The following PCDH11X variants were observed in gnomAD, a reference collection of about 807,000 sequenced individuals.
PCDH11X encodes the protein protocadherin 11 X-linked.
PCDH11X carries 18 observed loss-of-function variants against 53.3 expected under a neutral mutation model. The observed-to-expected ratio is 0.34, with a 90% CI of 0.23 to 0.50. The LOEUF (loss-of-function observed/expected upper bound fraction) is 0.50. Ranked by LOEUF, PCDH11X falls within the 20% of genes least tolerant of loss-of-function variation. The pLI, the probability that PCDH11X is intolerant of heterozygous loss-of-function variation, is 0.98. For missense variants in PCDH11X, 570 were observed against 1,032.4 expected (o/e 0.55, Z 6.14); for synonymous variants, 279 against 393.3 (o/e 0.71, Z 3.44).
chrX:92,527,295 A>G (rs2074472199), intron 10 of PCDH11X, among the ~76,000 whole-genome samples: 1 of 111,681 alleles, frequency 9.0e-6, no homozygotes. Flanking sequence ...AATTCAAAGG[A>G]TAAATGCTTG....
At chrX:91,867,832 G>A (rs1251216403) in intron 5 of PCDH11X, among the ~76,000 whole-genome samples, 1 of 111,273 alleles carries the variant, frequency 9.0e-6, no homozygotes, top group South Asian at 3.7e-4. Flanking sequence ...TTAAAATCCA[G>A]ATTTATAAAA....
intron 10 of PCDH11X, among the ~76,000 whole-genome samples, chrX:92,555,039 G>T (rs1237635364): frequency 9.0e-6 from 1 of 111,571 alleles, no homozygotes; most frequent in Non-Finnish European, 1.9e-5. Context: ...TGAGTAGCAG[G>T]GTTTCGCGAC....
At chrX:92,510,622 C>T (rs2074145418) in intron 10 of PCDH11X, among the ~76,000 whole-genome samples, 2 of 108,625 alleles carry the variant, frequency 1.8e-5, no homozygotes, top group African/African-American at 3.3e-5. Context: ...ACTTATTATC[C>T]GGTAGGGATT....
intron 1 of PCDH11X, among the ~76,000 whole-genome samples, chrX:91,782,615 C>G (rs1388262426): frequency 1.9e-5 from 2 of 107,057 alleles, no homozygotes; most frequent in Admixed American, 1.0e-4. Context: ...TAACCTTAGG[C>G]GAAAGCGCAG....
At chrX:92,148,062 CTTTCTTTCTTTCTTT>C (rs1569389052) in intron 6 of PCDH11X, among the ~76,000 whole-genome samples, 209 of 7,954 alleles carry the variant, frequency 0.026, 10 homozygotes, top group African/African-American at 0.059. Flanking sequence ...TCCTTCCTTT[CTTTCTTTCTTTCTTT>C]CTTTCTTTCT....
intron 4 of PCDH11X, among the ~76,000 whole-genome samples, chrX:91,815,337 A>T (rs1697022247): frequency 8.9e-6 from 1 of 112,021 alleles, no homozygotes; most frequent in South Asian, 3.7e-4. Flanking sequence ...TACATTTTGC[A>T]ATAGCTTTAA....
chrX:91,914,839 G>A (rs780895876), intron 6 of PCDH11X, among the ~76,000 whole-genome samples: 1 of 111,608 alleles, frequency 9.0e-6, no homozygotes, highest in South Asian at 3.8e-4. Context: ...ATAATTGAGG[G>A]TAACTTCCCT....
chrX:92,577,790 T>C (rs1923162393), intron 10 of PCDH11X, among the ~76,000 whole-genome samples: 1 of 110,021 alleles, frequency 9.1e-6, no homozygotes, highest in South Asian at 3.8e-4. Flanking sequence ...AATCTTCTTA[T>C]TTACCCAGGA....
At chrX:92,506,297 G>A (rs2074060699) in intron 10 of PCDH11X, among the ~76,000 whole-genome samples, 1 of 94,473 alleles carries the variant, frequency 1.1e-5, no homozygotes, top group African/African-American at 4.0e-5. Context: ...GTTAGAGTGA[G>A]CATCCTTGTC....
intron 9 of PCDH11X, chrX:92,460,857 A>T: frequency 9.9e-7 from 1 of 1,014,141 alleles, no homozygotes; most frequent in Admixed American, 2.2e-5. Flanking sequence ...GGACAGCAGG[A>T]ACTCCATGCA....
At chrX:92,306,851 A>G (rs2068843476) in intron 8 of PCDH11X, among the ~76,000 whole-genome samples, 2 of 111,243 alleles carry the variant, frequency 1.8e-5, no homozygotes, top group Admixed American at 1.9e-4. Context: ...TCTGGAGGCT[A>G]AGGCAGTAGA....
intron 7 of PCDH11X, among the ~76,000 whole-genome samples, chrX:92,258,371 T>C (rs1000943483): frequency 2.8e-5 from 3 of 105,786 alleles, no homozygotes; most frequent in Admixed American, 1.0e-4. Flanking sequence ...AAATTTCTTT[T>C]TTTTTTTTTT....
intron 6 of PCDH11X, among the ~76,000 whole-genome samples, chrX:91,967,288 C>T (rs1020363700): frequency 8.2e-5 from 9 of 110,143 alleles, no homozygotes; most frequent in African/African-American, 2.3e-4. Context: ...GGCCATGGAC[C>T]GGTACCTATC....
chrX:91,785,629 A>T (rs977717868), intron 1 of PCDH11X, among the ~76,000 whole-genome samples: 4 of 111,746 alleles, frequency 3.6e-5, no homozygotes, highest in African/African-American at 1.3e-4. Flanking sequence ...TTGGCTTTAT[A>T]TGACAACATT....
Position 92,282,815 on chromosome X carries a change from G to A in PCDH11X, c.3144+19672G>A, listed in dbSNP as rs905477226. ...GGGAAGCTATGGGCAGATTGCTATCGTTTTTCATTATTGGGAGACATTGAA... is the reference window on the plus strand; with the variant it reads ...GGGAAGCTATGGGCAGATTGCTATCATTTTTCATTATTGGGAGACATTGAA... On this transcript the variant is annotated intron_variant, in intron 8 of 10. Transcript: ENST00000682573. Among the ~76,000 whole-genome samples the A allele has an allele frequency of 7.2e-5, 8 of 111,051 alleles. No homozygotes were observed. The East Asian group carries it at 8.5e-4, about 12-fold the overall frequency.
At chrX:91,808,540 A>T (rs1254934915) in intron 1 of PCDH11X, among the ~76,000 whole-genome samples, 1 of 110,125 alleles carries the variant, frequency 9.1e-6, no homozygotes, top group Non-Finnish European at 1.9e-5. Flanking sequence ...CTGGTCATTG[A>T]TAAATCTATC....
intron 10 of PCDH11X, among the ~76,000 whole-genome samples, chrX:92,519,682 A>G (rs1376736161): frequency 1.9e-5 from 2 of 106,856 alleles, no homozygotes; most frequent in Admixed American, 2.1e-4. Context: ...ATTTTTAATA[A>G]TCTCAGTACA....
At chrX:92,102,677 G>A (rs1602926068) in intron 6 of PCDH11X, among the ~76,000 whole-genome samples, 4 of 111,423 alleles carry the variant, frequency 3.6e-5, no homozygotes, top group Admixed American at 1.9e-4. Flanking sequence ...AAGTGAAAGC[G>A]AAAACAGGTT....
At chrX:92,008,378 G>C in intron 6 of PCDH11X, among the ~76,000 whole-genome samples, 1 of 110,923 alleles carries the variant, frequency 9.0e-6, no homozygotes, top group East Asian at 2.9e-4. Flanking sequence ...TGCTCTTCCT[G>C]TGGGCGGGGG....
Sources: gnomAD v4.1 joint callset for allele counts (sites outside exome capture counted in the v4.1 genomes callset) on GRCh38, gnomAD v4.1.1 for gene constraint, MANE v1.5 for transcripts, NCBI Gene and HGNC (gene_info 2026-07-23, HGNC 2026-07-21) for gene names.